The following ANKRD54 variants were observed in gnomAD, a reference collection of about 807,000 sequenced individuals.
The protein encoded by ANKRD54 is ankyrin repeat domain-containing protein 54.
A neutral mutation model predicts 36.2 loss-of-function variants in ANKRD54; 26 were observed. The observed-to-expected ratio is 0.72, with a 90% CI of 0.53 to 1.00. The LOEUF is 1.00. Ranked by LOEUF, ANKRD54 falls within the 50% of genes least tolerant of loss-of-function variation. The probability of loss-of-function intolerance (pLI) is 0.00; values close to 1 mark genes in which losing one functional copy is unlikely to be tolerated. For synonymous variants in ANKRD54, 209 were observed against 188.4 expected, an observed-to-expected ratio of 1.11 and a Z score of -0.89; for missense variants, 384 against 424.3, an observed-to-expected ratio of 0.91 and a Z score of 0.83.
Position 37,844,127 on chromosome 22 carries a change from A to T in ANKRD54, c.112T>A (p.Ser38Thr), listed in dbSNP as rs896245398. Residue 38 changes from serine (S) to threonine (T), a missense_variant, in exon 1 of 8, where the codon TCC becomes ACC. Physicochemically the swap from Ser to Thr is moderately conservative, Grantham distance 58. Transcript: ENST00000215941. ...AGCGCAGACCCGAAGTCAGCGAAGGAGAAGAGGCCCTCAGCGTCAGTCAGC... is the reference window on the plus strand; with the variant it reads ...AGCGCAGACCCGAAGTCAGCGAAGGTGAAGAGGCCCTCAGCGTCAGTCAGC... ...EPLTDAEGLF[S>T]FADFGSALGG... The T allele has an allele frequency of 6.7e-7, 1 of 1,493,014 alleles. No homozygotes were observed. The highest frequency in any genetic ancestry group is 8.9e-7 in the Non-Finnish European group (1 of 1,128,534). 92.5% of individuals were successfully genotyped at this position (1,493,014 alleles called of 1,614,324 possible).
intron 2 of ANKRD54, among the ~76,000 whole-genome samples, chr22:37,839,154 C>T (rs1341292179): frequency 6.6e-6 from 1 of 151,996 alleles, no homozygotes; most frequent in Non-Finnish European, 1.5e-5. Context: ...GGATTACAGG[C>T]GTGAGCCACC....
chr22:37,846,884 C>T (rs1438511566), upstream of ANKRD54, among the ~76,000 whole-genome samples: 5 of 26,968 alleles, frequency 1.9e-4, no homozygotes, highest in East Asian at 7.2e-3. Flanking sequence ...GACGGAGTCT[C>T]GCTCTGTCGC....
At chr22:37,846,816 C>T (rs1437169787), upstream of ANKRD54, among the ~76,000 whole-genome samples, 1 of 152,080 alleles carries the variant, frequency 6.6e-6, no homozygotes, top group East Asian at 1.9e-4. Context: ...GTATCAAATT[C>T]CTGTCATATA....
At chr22:37,842,823 G>T (rs1924444293) in intron 1 of ANKRD54, among the ~76,000 whole-genome samples, 1 of 152,204 alleles carries the variant, frequency 6.6e-6, no homozygotes. Context: ...TAATCTCTCA[G>T]TGCCTGGGTT....
At chr22:37,839,956 G>A (rs1924017643) in intron 2 of ANKRD54, among the ~76,000 whole-genome samples, 1 of 152,250 alleles carries the variant, frequency 6.6e-6, no homozygotes, top group African/African-American at 2.4e-5. Flanking sequence ...CCACAGGGTG[G>A]TAAATGCTAT....
Position 37,833,059 on chromosome 22 carries a change from G to A in ANKRD54, c.619C>T (p.Arg207Ter), listed in dbSNP as rs764668895. The A allele has an allele frequency of 4.3e-6, 7 of 1,614,042 alleles. No homozygotes were observed. In the South Asian group the frequency reaches 4.4e-5, roughly 10 times the overall value. The change falls in exon 6 of 8, where the codon CGA becomes TGA. Residue 207 changes from arginine to a stop codon, truncating the protein, a stop_gained. Coordinates refer to ENST00000215941, the MANE Select transcript of ANKRD54 (RefSeq NM_138797.4). LOFTEE classifies it high-confidence loss of function. ...RGGARVDALD[R>*]AGRTPLHLAK... ...AGGTGCAGGGGTGTGCGACCAGCTC[G>A]GTCCAGGGCATCTACACGGGCCCCT...
intron 2 of ANKRD54, 150 bp from the exon 3 acceptor site, chr22:37,838,748 C>T (rs897687695): frequency 1.4e-6 from 1 of 717,180 alleles, no homozygotes; most frequent in African/African-American, 1.8e-5. Context: ...GATGCTGGTC[C>T]TATGGGAACA....
In ANKRD54 at chr22:37,831,016, C is replaced by T. The variant is rs953575824; in HGVS notation, c.*927G>A. The T allele has an allele frequency of 3.9e-5, 6 of 152,386 alleles. No homozygotes were observed. The highest frequency in any genetic ancestry group is 1.4e-4 in the African/African-American group (6 of 41,436). 9.4% of individuals were successfully genotyped at this position (152,386 alleles called of 1,614,324 possible). A position where few individuals can be genotyped will look rare whatever the true frequency, so the allele number is the denominator to read the frequency against. On this transcript the variant is annotated 3_prime_UTR_variant, in exon 8 of 8. Transcript: ENST00000215941. ...CTCTGAGGTGGCCTGGACTCTGTGG[C>T]TTGAGCTGCCCTCCTCAACTCCAGT...
chr22:37,836,816 G>T (rs1359893291), intron 3 of ANKRD54, among the ~76,000 whole-genome samples: 1 of 151,986 alleles, frequency 6.6e-6, no homozygotes, highest in Non-Finnish European at 1.5e-5. Context: ...ATCTCCTGAG[G>T]TCAGGAGTTT....
At chr22:37,847,455 C>G (rs1924902460), upstream of ANKRD54, among the ~76,000 whole-genome samples, 1 of 152,124 alleles carries the variant, frequency 6.6e-6, no homozygotes, top group Non-Finnish European at 1.5e-5. Flanking sequence ...AACCACTGTG[C>G]CAGGCCTCGG....
chr22:37,840,322 GC>G, intron 1 of ANKRD54, 88 bp from the exon 2 acceptor site: 1 of 1,383,034 alleles, frequency 7.2e-7, no homozygotes. Flanking sequence ...ACTCTGGGAG[GC>G]CAAGGCAGGC....
intron 3 of ANKRD54, among the ~76,000 whole-genome samples, chr22:37,836,327 T>G (rs141834304): frequency 0.01 from 1,517 of 149,786 alleles, 31 homozygotes; most frequent in African/African-American, 0.036. Flanking sequence ...ATGCCTGTAA[T>G]CCCAGCTACT....
At chr22:37,834,575 G>A (rs1193792889) in intron 3 of ANKRD54, 3 of 151,544 alleles carry the variant, frequency 2.0e-5, no homozygotes, top group African/African-American at 7.3e-5. Context: ...TGGCAGACTT[G>A]TAGTCCCAGC....
In ANKRD54 at chr22:37,833,173, G is replaced by A; in HGVS notation, c.581C>T (p.Thr194Ile). The change falls in exon 5 of 8, where the codon ACA (threonine) becomes ATA (isoleucine). Residue 194 changes from threonine to isoleucine, a missense_variant. Around this residue, in one of 3 missense-constraint regions of ANKRD54, gnomAD observed 179 missense variants for 224.0 expected, o/e 0.80. Coordinates refer to ENST00000215941, the MANE Select transcript of ANKRD54 (RefSeq NM_138797.4). ...AAACCACATACCTCCTCGTAGCAGT[G>A]TGGTGATGACAGGAACGTGGTTGGT... ...ACTNHVPVIT[T>I]LLRGGARVDA... 1 of 1,613,898 alleles carries A rather than the reference G, an allele frequency of 6.2e-7. No homozygotes were observed. Among genetic ancestry groups the A allele is most frequent in the African/African-American group, 1.3e-5 (1 of 75,028 alleles).
intron 2 of ANKRD54, among the ~76,000 whole-genome samples, chr22:37,839,832 T>C (rs1349690692): frequency 3.9e-5 from 6 of 152,248 alleles, no homozygotes; most frequent in African/African-American, 1.4e-4. Context: ...GGCAGCTAAG[T>C]TGAGTATTCA....
intron 1 of ANKRD54, 71 bp downstream of exon 1, chr22:37,843,840 T>A: frequency 9.0e-7 from 1 of 1,116,370 alleles, no homozygotes; most frequent in Non-Finnish European, 1.1e-6. Context: ...GCGCGGCCAC[T>A]GGTCCTCTGA....
In ANKRD54 at chr22:37,833,007, T is replaced by C. The variant is rs549528985; in HGVS notation, c.671A>G (p.Gln224Arg). Reference protein sequence around the residue: ...HLAKSKLNILQEGHAQCLEAV... With the variant: ...HLAKSKLNILREGHAQCLEAV... ...CTCTAGGCACTGGGCATGGCCCTCC[T>C]GCAGGATATTCAGCTTTGACTTGGC... Residue 224 changes from glutamine (Q) to arginine (R), a missense_variant, in exon 6 of 8, where the codon CAG becomes CGG. By Grantham distance (43) the Gln-to-Arg change is conservative. Coordinates refer to ENST00000215941, the MANE Select transcript of ANKRD54 (RefSeq NM_138797.4). The C allele has an allele frequency of 6.2e-7, 1 of 1,614,150 alleles. No homozygotes were observed. The highest frequency in any genetic ancestry group is 1.3e-5 in the African/African-American group (1 of 75,054).
chr22:37,841,675 C>T (rs1924273796), intron 1 of ANKRD54, among the ~76,000 whole-genome samples: 1 of 151,640 alleles, frequency 6.6e-6, no homozygotes, highest in Non-Finnish European at 1.5e-5. Flanking sequence ...AGGTGAAATC[C>T]CTTCTCTACT....
chr22:37,846,479 T>A (rs558602799), upstream of ANKRD54, among the ~76,000 whole-genome samples: 269 of 152,288 alleles, frequency 1.8e-3, 1 homozygote, highest in Non-Finnish European at 3.0e-3. Flanking sequence ...ATTATTTTTT[T>A]GATTTTTTGT....
Sources: allele counts gnomAD v4.1 joint callset (sites outside exome capture counted in the v4.1 genomes callset), GRCh38; gene constraint gnomAD v4.1.1; regional missense constraint gnomAD v4.1.1; transcripts MANE v1.5; gene names NCBI Gene and HGNC (gene_info 2026-07-23, HGNC 2026-07-21).